ATXN7L1: variants seen among roughly 807,000 people sequenced by gnomAD.
The protein encoded by ATXN7L1 is ataxin 7 like 1, also known as ataxin-7-like protein 1.
Under a neutral mutation model 70.8 loss-of-function variants are expected in ATXN7L1, and 15 were observed. The observed-to-expected ratio is 0.21, with a 90% CI of 0.14 to 0.33. The LOEUF (loss-of-function observed/expected upper bound fraction) is 0.33. Ranked by LOEUF, ATXN7L1 falls within the 10% of genes least tolerant of loss-of-function variation. The pLI, the probability that ATXN7L1 is intolerant of heterozygous loss-of-function variation, is 1.00. For synonymous variants in ATXN7L1, 440 were observed against 445.1 expected (o/e 0.99, Z 0.14); for missense variants, 975 against 1,097.1 (o/e 0.89, Z 1.57).
chr7:105,630,584 T>C (rs1796441618), intron 7 of ATXN7L1, among the ~76,000 whole-genome samples: 1 of 152,098 alleles, frequency 6.6e-6, no homozygotes, highest in African/African-American at 2.4e-5. Context: ...TAGCCAGGCA[T>C]GGTGACAGGC....
chr7:105,759,370 C>T (rs1728703364), intron 3 of ATXN7L1, among the ~76,000 whole-genome samples: 1 of 151,584 alleles, frequency 6.6e-6, no homozygotes, highest in African/African-American at 2.4e-5. Context: ...CCAGCTTGAT[C>T]AGGGCCCAGC....
At chr7:105,702,015 C>G (rs928994503) in intron 3 of ATXN7L1, among the ~76,000 whole-genome samples, 1 of 152,198 alleles carries the variant, frequency 6.6e-6, no homozygotes, top group African/African-American at 2.4e-5. Context: ...TGGGCCTCTC[C>G]AGCCTTGGAG....
intron 3 of ATXN7L1, among the ~76,000 whole-genome samples, chr7:105,737,576 T>G (rs979436529): frequency 6.7e-6 from 1 of 149,622 alleles, no homozygotes; most frequent in Non-Finnish European, 1.5e-5. Context: ...TGTTAAGAAT[T>G]AGCCTATCAT....
At chr7:105,774,542 G>A (rs1467830501) in intron 3 of ATXN7L1, among the ~76,000 whole-genome samples, 4 of 151,870 alleles carry the variant, frequency 2.6e-5, no homozygotes, top group Admixed American at 6.6e-5. Flanking sequence ...TAGTAGAGAC[G>A]GGGTTTTGCC....
At chr7:105,638,689 T>A in intron 6 of ATXN7L1, 80 bp from the exon 7 acceptor site, 1 of 1,444,630 alleles carries the variant, frequency 6.9e-7, no homozygotes, top group Non-Finnish European at 9.2e-7. Context: ...ATTTCAGAAA[T>A]AGCAATTCAT....
At chr7:105,627,086 A>C (rs1262977158) in intron 7 of ATXN7L1, among the ~76,000 whole-genome samples, 5 of 152,168 alleles carry the variant, frequency 3.3e-5, no homozygotes, top group Non-Finnish European at 7.4e-5. Context: ...TTTGTTTCCA[A>C]ACTTTCTAAC....
chr7:105,826,681 A>G (rs1003687243), intron 2 of ATXN7L1, among the ~76,000 whole-genome samples: 2 of 152,184 alleles, frequency 1.3e-5, no homozygotes, highest in Non-Finnish European at 2.9e-5. Flanking sequence ...CATGGCCACC[A>G]AGAAAAAAAC....
chr7:105,800,696 C>T (rs961159362), intron 2 of ATXN7L1, among the ~76,000 whole-genome samples: 3 of 152,206 alleles, frequency 2.0e-5, no homozygotes, highest in African/African-American at 7.2e-5. Flanking sequence ...GCAACAAATT[C>T]CTGTTCTGCC....
intron 2 of ATXN7L1, among the ~76,000 whole-genome samples, chr7:105,860,848 G>A (rs1009897117): frequency 6.6e-6 from 1 of 152,194 alleles, no homozygotes; most frequent in Non-Finnish European, 1.5e-5. Flanking sequence ...GGGATGATAT[G>A]ATCGCTTTTC....
At chr7:105,736,437 T>C (rs672920) in intron 3 of ATXN7L1, among the ~76,000 whole-genome samples, 31,673 of 152,132 alleles carry the variant, frequency 0.21, 3,521 homozygotes, top group East Asian at 0.33. Context: ...GGTTGCTGGC[T>C]CAGAACTTAA....
intron 2 of ATXN7L1, among the ~76,000 whole-genome samples, chr7:105,820,506 G>T (rs1490449942): frequency 2.0e-5 from 3 of 152,208 alleles, no homozygotes; most frequent in African/African-American, 7.2e-5. Context: ...GAGAGCTGTG[G>T]TTCTCAGCAC....
At chr7:105,730,036 C>T (rs889368417) in intron 3 of ATXN7L1, among the ~76,000 whole-genome samples, 1 of 152,136 alleles carries the variant, frequency 6.6e-6, no homozygotes, top group African/African-American at 2.4e-5. Flanking sequence ...CACTCCCGGC[C>T]CCTCCCCACT....
chr7:105,628,658 T>C (rs1584391424), intron 7 of ATXN7L1, among the ~76,000 whole-genome samples: 1 of 150,906 alleles, frequency 6.6e-6, no homozygotes, highest in Admixed American at 6.6e-5. Flanking sequence ...CCGGGCATGG[T>C]GGCGGGCACC....
chr7:105,674,841 C>T (rs1027123968), intron 3 of ATXN7L1, among the ~76,000 whole-genome samples: 2 of 152,146 alleles, frequency 1.3e-5, no homozygotes, highest in African/African-American at 4.8e-5. Flanking sequence ...CTGGGGAGTC[C>T]CAGGGGCTTT....
At chr7:105,624,470 T>C (rs1483206144) in intron 7 of ATXN7L1, among the ~76,000 whole-genome samples, 1 of 151,844 alleles carries the variant, frequency 6.6e-6, no homozygotes, top group Middle Eastern at 3.2e-3. Flanking sequence ...GCCAACATGG[T>C]GAAACCCCGT....
In ATXN7L1 at chr7:105,671,104, CAAAAAAAA is replaced by C. The variant is rs71155469; in HGVS notation, c.356-5824_356-5817del. On this transcript the variant is annotated intron_variant, in intron 3 of 11. Transcript: ENST00000419735. ...CCTGGGCGACAGCGAGACTACGTCT[CAAAAAAAA>C]AAAAAAAAAAAAAAAAAAAAATTAG... is the stretch of plus-strand genomic sequence containing the variant. 0.017 allele frequency among the ~76,000 whole-genome samples: 1,486 copies of C among 89,678 alleles called. 150 individuals are homozygous for C. The East Asian group carries it at 0.23, about 14-fold the overall frequency. The allele number at this position is 89,678 out of a possible 152,430, so 58.8% of individuals were successfully genotyped here.
chr7:105,715,619 A>C (rs1264171409), intron 3 of ATXN7L1, among the ~76,000 whole-genome samples: 1 of 152,278 alleles, frequency 6.6e-6, no homozygotes, highest in Non-Finnish European at 1.5e-5. Context: ...ACATGCTCAA[A>C]TGTCATCAAA....
Position 105,777,110 on chromosome 7 carries a change from G to A in ATXN7L1, c.355+11494C>T, listed in dbSNP as rs1802845677. 2.6e-5 allele frequency among the ~76,000 whole-genome samples: 4 copies of A among 152,132 alleles called. No homozygotes were observed. In the South Asian group the frequency reaches 8.3e-4, roughly 32 times the overall value. On this transcript the variant is annotated intron_variant, in intron 3 of 11. Transcript: ENST00000419735. ...CAGCGATGCCCAAGGAACAGTCCTA[G>A]CCTTCAGGAACTCACTGTCTAGTGT...
intron 4 of ATXN7L1, among the ~76,000 whole-genome samples, chr7:105,651,302 G>A (rs944231994): frequency 6.4e-4 from 97 of 152,220 alleles, no homozygotes; most frequent in African/African-American, 2.3e-3. Flanking sequence ...GATTAAATGA[G>A]GTAGTAGATA....
Sources: allele counts gnomAD v4.1 joint callset (sites outside exome capture counted in the v4.1 genomes callset), GRCh38; gene constraint gnomAD v4.1.1; transcripts MANE v1.5; gene names NCBI Gene and HGNC (gene_info 2026-07-23, HGNC 2026-07-21).